TRPM1: variants seen among roughly 807,000 people sequenced by gnomAD.
TRPM1 encodes the protein transient receptor potential cation channel subfamily M member 1.
A neutral mutation model predicts 149.4 loss-of-function variants in TRPM1; 113 were observed. The observed-to-expected ratio is 0.76, with a 90% CI of 0.65 to 0.88. The LOEUF (loss-of-function observed/expected upper bound fraction) is 0.88. Among genes scored for constraint, TRPM1 ranks in the 40% least tolerant of loss-of-function variants. The pLI, the probability that TRPM1 is intolerant of heterozygous loss-of-function variation, is 0.00. For synonymous variants in TRPM1, 741 were observed against 759.5 expected, an observed-to-expected ratio of 0.98 and a Z score of 0.40; for missense variants, 1,976 against 2,038.7, an observed-to-expected ratio of 0.97 and a Z score of 0.59.
At chr15:31,066,988 A>G (rs927451999) in intron 6 of TRPM1, 75 bp downstream of exon 6, 2 of 1,592,658 alleles carry the variant, frequency 1.3e-6, no homozygotes, top group African/African-American at 2.7e-5. Context: ...TTACAACTGC[A>G]TCTGAATCAA....
intron 18 of TRPM1, 61 bp from the exon 19 acceptor site, chr15:31,038,227 T>A: frequency 6.3e-7 from 1 of 1,581,256 alleles, no homozygotes; most frequent in Admixed American, 1.7e-5. Flanking sequence ...CCCAGCATAG[T>A]TAAAATTTTT....
chr15:31,068,227 G>A (rs961039959), intron 4 of TRPM1, 135 bp from the exon 5 acceptor site: 1 of 803,752 alleles, frequency 1.2e-6, no homozygotes, highest in African/African-American at 1.7e-5. Context: ...AGCCCTCTGT[G>A]TGAGTCTGTG....
At chr15:31,063,409 C>G in intron 7 of TRPM1, 117 bp from the exon 8 acceptor site, 1 of 1,337,314 alleles carries the variant, frequency 7.5e-7, no homozygotes. Context: ...GATGTTCTAT[C>G]TGGCTGGAAG....
At chr15:31,089,840 C>G (rs974722044) in intron 1 of TRPM1, among the ~76,000 whole-genome samples, 1 of 152,140 alleles carries the variant, frequency 6.6e-6, no homozygotes, top group South Asian at 2.1e-4. Context: ...TTCTGCCTGC[C>G]CTTGTGAGTA....
chr15:31,050,012 AC>A (rs1352344069), intron 12 of TRPM1, among the ~76,000 whole-genome samples: 2 of 152,048 alleles, frequency 1.3e-5, no homozygotes, highest in South Asian at 2.1e-4. Flanking sequence ...AACTGCTGTT[AC>A]CCCACACACC....
At chr15:31,029,921 C>G (rs982584576) in intron 23 of TRPM1, among the ~76,000 whole-genome samples, 2 of 152,010 alleles carry the variant, frequency 1.3e-5, no homozygotes, top group Non-Finnish European at 2.9e-5. Context: ...AATAAAAATA[C>G]TACAGTTTAT....
chr15:31,113,697 A>T (rs1366857505), intron 1 of TRPM1, among the ~76,000 whole-genome samples: 1 of 152,012 alleles, frequency 6.6e-6, no homozygotes, highest in Non-Finnish European at 1.5e-5. Flanking sequence ...CTGTGCCCAT[A>T]GTTAGTTCAT....
intron 27 of TRPM1, among the ~76,000 whole-genome samples, chr15:31,016,822 G>A (rs1473671129): frequency 6.6e-6 from 1 of 152,088 alleles, no homozygotes; most frequent in East Asian, 1.9e-4. Context: ...GCCCAGAACC[G>A]CATGTGCTTA....
intron 11 of TRPM1, among the ~76,000 whole-genome samples, chr15:31,054,949 T>C (rs1389980616): frequency 1.3e-5 from 2 of 152,248 alleles, no homozygotes; most frequent in Non-Finnish European, 2.9e-5. Context: ...ACATCCTAGC[T>C]TCTGATAACC....
chr15:31,088,493 C>T (rs1463371926), intron 1 of TRPM1, among the ~76,000 whole-genome samples: 1 of 152,196 alleles, frequency 6.6e-6, no homozygotes, highest in East Asian at 1.9e-4. Flanking sequence ...CCCACGAACA[C>T]ACCTGGAAAG....
chr15:31,110,696 C>G (rs2035672132), intron 1 of TRPM1, among the ~76,000 whole-genome samples: 1 of 152,126 alleles, frequency 6.6e-6, no homozygotes, highest in African/African-American at 2.4e-5. Context: ...CTCCTGAGGC[C>G]CCTCTATTGC....
chr15:31,016,524 G>GA (rs1304112440), intron 27 of TRPM1, among the ~76,000 whole-genome samples: 1 of 152,022 alleles, frequency 6.6e-6, no homozygotes, highest in African/African-American at 2.4e-5. Flanking sequence ...TGACTTCACA[G>GA]AAAAAAATTC....
chr15:31,074,228 G>C (rs903162224), intron 3 of TRPM1, among the ~76,000 whole-genome samples: 3 of 152,186 alleles, frequency 2.0e-5, no homozygotes, highest in Non-Finnish European at 4.4e-5. Flanking sequence ...GTTGGGAAAT[G>C]TTCCCTTCTC....
chr15:31,118,435 A>G (rs2035831926), intron 1 of TRPM1, among the ~76,000 whole-genome samples: 2 of 152,206 alleles, frequency 1.3e-5, no homozygotes, highest in Admixed American at 6.5e-5. Flanking sequence ...AAAAACATTA[A>G]GCATGATAAA....
rs1277713083 is a variant in TRPM1 at position 31,040,070 on chromosome 15, T to A, written c.2316+48A>T. 1.3e-6 allele frequency: 2 copies of A among 1,547,118 alleles called. No individual in the cohort carries two copies. The highest frequency in any genetic ancestry group is 3.3e-5 in the Admixed American group (2 of 59,854). ...GTGCTCAGTTCAGCCTGGCAGAGAGTCACTTGTCACTGTCACCCTGGCCCG... is the reference window on the plus strand; with the variant it reads ...GTGCTCAGTTCAGCCTGGCAGAGAGACACTTGTCACTGTCACCCTGGCCCG... On this transcript the variant is annotated intron_variant, in intron 18 of 27. Transcript: ENST00000256552. This position sits in a 1 kb window ranked among gnomAD's most constrained non-coding sequence, Gnocchi z 4.2.
chr15:31,019,207 AGTT>A (rs1344467972), intron 27 of TRPM1, among the ~76,000 whole-genome samples: 3 of 152,330 alleles, frequency 2.0e-5, no homozygotes, highest in East Asian at 3.9e-4. Flanking sequence ...CTGATCATAA[AGTT>A]GTCTTATCCA....
rs1461116932 is a variant in TRPM1 at position 31,047,161 on chromosome 15, T to TG, written c.1713dup (p.Thr572HisfsTer19). The stretch of plus-strand genomic sequence containing the variant: ...TAAAGGGTCCGAAAGTTTTTCCGAG[T>TG]GTAGTTGCAGCGGTAGGCTCCTCCC... On this transcript the variant is annotated frameshift_variant, in exon 15 of 28. Transcript: ENST00000256552. LOFTEE classifies it high-confidence loss of function. 3 of 1,613,986 alleles carry TG rather than the reference T, an allele frequency of 1.9e-6. No homozygotes were observed. The highest frequency in any genetic ancestry group is 1.7e-6 in the Non-Finnish European group (2 of 1,180,016).
intron 25 of TRPM1, 127 bp downstream of exon 25, chr15:31,028,205 G>C: frequency 8.4e-7 from 1 of 1,190,686 alleles, no homozygotes; most frequent in South Asian, 1.3e-5. Context: ...GCAAAAATTG[G>C]ATCTACTTAA....
intron 1 of TRPM1, among the ~76,000 whole-genome samples, chr15:31,146,049 C>T (rs1362428343): frequency 6.6e-6 from 1 of 152,162 alleles, no homozygotes; most frequent in Non-Finnish European, 1.5e-5. Context: ...GTAGGACACA[C>T]TTGGTTTATG....
Sources: gnomAD v4.1 joint callset for allele counts (sites outside exome capture counted in the v4.1 genomes callset) on GRCh38, gnomAD v4.1.1 for gene constraint, Gnocchi (gnomAD v3.1) non-coding constraint, MANE v1.5 for transcripts, NCBI Gene and HGNC (gene_info 2026-07-23, HGNC 2026-07-21) for gene names.